Variants in CACNA1C observed in about 807,000 individuals in gnomAD.
The protein encoded by CACNA1C is calcium voltage-gated channel subunit alpha1 C.
A neutral mutation model predicts 229.0 loss-of-function variants in CACNA1C; 30 were observed. The observed-to-expected ratio is 0.13, with a 90% CI of 0.10 to 0.18. The LOEUF (loss-of-function observed/expected upper bound fraction) is 0.18. CACNA1C is among the 10% of genes least tolerant of loss of function. The pLI is 1.00. For synonymous variants in CACNA1C, 1,114 were observed against 1,132.5 expected (o/e 0.98, Z 0.33); for missense variants, 1,658 against 2,845.0 (o/e 0.58, Z 9.49).
chr12:2,201,609 C>T (rs748305980), intron 3 of CACNA1C, among the ~76,000 whole-genome samples: 7 of 152,218 alleles, frequency 4.6e-5, no homozygotes, highest in Admixed American at 3.3e-4. Flanking sequence ...TATTTATCCT[C>T]GCTATAAATG....
intron 1 of CACNA1C, among the ~76,000 whole-genome samples, chr12:1,990,722 A>G (rs902831607): frequency 3.3e-5 from 5 of 152,222 alleles, no homozygotes; most frequent in Admixed American, 1.3e-4. Flanking sequence ...TCTTACAAAA[A>G]CAATCCTGAG....
At chr12:2,097,371 C>G (rs540502930) in intron 1 of CACNA1C, among the ~76,000 whole-genome samples, 18 of 152,154 alleles carry the variant, frequency 1.2e-4, no homozygotes, top group Non-Finnish European at 2.5e-4. Flanking sequence ...TAGTCTCGAT[C>G]TCCTGACCTT....
rs1243912615 is a variant in CACNA1C at position 2,547,295 on chromosome 12, T to G, written c.1391-2648T>G. Among the ~76,000 whole-genome samples, 74 of 152,332 alleles carry G rather than the reference T, an allele frequency of 4.9e-4. 1 individual carries two copies. Among genetic ancestry groups the G allele is most frequent in the Admixed American group, 4.8e-3 (74 of 15,306 alleles). ...GTTATGTTTTCCTGTATGTTTTGAT[T>G]TATTGAATTTTTTTTGTTTATTTTC... On this transcript the variant is annotated intron_variant, in intron 9 of 46. Transcript: ENST00000399655.
intron 1 of CACNA1C, among the ~76,000 whole-genome samples, chr12:1,994,241 TG>T (rs557002665): frequency 9.1e-4 from 139 of 152,326 alleles, no homozygotes; most frequent in Middle Eastern, 3.4e-3. Context: ...ACTTACACAC[TG>T]AAGCTGAAGC....
intron 4 of CACNA1C, among the ~76,000 whole-genome samples, chr12:2,450,801 C>G (rs942698129): frequency 6.6e-6 from 1 of 152,040 alleles, no homozygotes; most frequent in African/African-American, 2.4e-5. Flanking sequence ...TCCCAGAGGC[C>G]TATTTTTGGA....
chr12:2,241,467 A>G (rs2070199701), intron 3 of CACNA1C, among the ~76,000 whole-genome samples: 1 of 151,886 alleles, frequency 6.6e-6, no homozygotes, highest in Non-Finnish European at 1.5e-5. Context: ...CGCGTGTGGG[A>G]TGGGATCAAT....
At chr12:2,211,698 G>A (rs2097919779) in intron 3 of CACNA1C, among the ~76,000 whole-genome samples, 1 of 142,584 alleles carries the variant, frequency 7.0e-6, no homozygotes. Context: ...TCTTTCACCT[G>A]TTACTCTTTC....
intron 3 of CACNA1C, among the ~76,000 whole-genome samples, chr12:2,373,528 T>C (rs1313292968): frequency 6.6e-6 from 1 of 151,964 alleles, no homozygotes; most frequent in Non-Finnish European, 1.5e-5. Context: ...CCAGGCAGCA[T>C]GCAGAGGCCA....
At chr12:2,085,693 T>C (rs938329283) in intron 1 of CACNA1C, among the ~76,000 whole-genome samples, 15 of 152,210 alleles carry the variant, frequency 9.9e-5, no homozygotes, top group African/African-American at 3.1e-4. Flanking sequence ...TCTGTACTCC[T>C]GGCCTGACTC....
At chr12:2,239,075 G>A (rs2154371452) in intron 3 of CACNA1C, among the ~76,000 whole-genome samples, 1 of 152,290 alleles carries the variant, frequency 6.6e-6, no homozygotes, top group African/African-American at 2.4e-5. Flanking sequence ...GGTAGCTCGT[G>A]AAATTTTAGC....
Position 2,285,165 on chromosome 12 carries a change from C to T in CACNA1C, c.478-163811C>T, listed in dbSNP as rs1249674237. 6.6e-6 allele frequency among the ~76,000 whole-genome samples: 1 copy of T among 152,198 alleles called. No homozygotes were observed. The highest frequency in any genetic ancestry group is 1.5e-5 in the Non-Finnish European group (1 of 68,040). On this transcript the variant is annotated intron_variant, in intron 3 of 46. Transcript: ENST00000399655. The surrounding 1 kb of genome is among the most constrained non-coding windows in gnomAD (Gnocchi z 4.2). ...ACACTCTGTTTCTCTCCATTCCATC[C>T]CTGCGTGTTACCTAGCAGGAATTTC... is the stretch of plus-strand genomic sequence containing the variant.
chr12:2,002,134 T>A (rs1310381339), intron 1 of CACNA1C, among the ~76,000 whole-genome samples: 1 of 152,220 alleles, frequency 6.6e-6, no homozygotes, highest in Non-Finnish European at 1.5e-5. Flanking sequence ...CCTTCCTAAT[T>A]TCTCCTCCTT....
intron 3 of CACNA1C, among the ~76,000 whole-genome samples, chr12:2,155,198 G>A (rs1464624877): frequency 5.3e-5 from 8 of 152,168 alleles, no homozygotes; most frequent in African/African-American, 1.9e-4. Context: ...CGTGGAGCGT[G>A]AAGACACATT....
chr12:2,021,260 C>A (rs1162832103), intron 1 of CACNA1C, among the ~76,000 whole-genome samples: 1 of 152,164 alleles, frequency 6.6e-6, no homozygotes, highest in Non-Finnish European at 1.5e-5. Flanking sequence ...ATAACTTGCT[C>A]AGGGTCACCT....
intron 3 of CACNA1C, among the ~76,000 whole-genome samples, chr12:2,412,495 A>G (rs1309630138): frequency 2.0e-5 from 3 of 152,198 alleles, no homozygotes; most frequent in African/African-American, 7.2e-5. Context: ...GCAGTGAGAC[A>G]GGCGCCCCCG....
chr12:2,227,734 C>T (rs187061552), intron 3 of CACNA1C, among the ~76,000 whole-genome samples: 2 of 152,290 alleles, frequency 1.3e-5, no homozygotes, highest in East Asian at 3.9e-4. Context: ...TTCTACTGAT[C>T]CTAAGACATG....
chr12:2,309,881 T>A (rs1478514705), intron 3 of CACNA1C, among the ~76,000 whole-genome samples: 1 of 152,188 alleles, frequency 6.6e-6, no homozygotes, highest in African/African-American at 2.4e-5. Context: ...AGGAGACAGC[T>A]GGATCCTAGT....
chr12:2,422,016 G>C (rs2098984281), intron 3 of CACNA1C, among the ~76,000 whole-genome samples: 1 of 152,072 alleles, frequency 6.6e-6, no homozygotes. Context: ...CTCCACTCAG[G>C]GAAATCTACT....
rs779258752 is a variant in CACNA1C at position 2,585,533 on chromosome 12, G to C, written c.2460+37G>C. The C allele has an allele frequency of 6.6e-6, 10 of 1,518,354 alleles. No individual in the cohort carries two copies. In the Admixed American group the frequency reaches 1.3e-4, roughly 19 times the overall value. 94.1% of individuals were successfully genotyped at this position (1,518,354 alleles called of 1,614,324 possible). A position where few individuals can be genotyped will look rare whatever the true frequency, so the allele number is the denominator to read the frequency against. ...TCTCCTTCCTGGAGCTGTGAGGCCG[G>C]TGCTGGGGAGGGAGGGCCACAGCCT... On this transcript the variant is annotated intron_variant, in intron 17 of 46. Coordinates refer to ENST00000399655, the MANE Select transcript of CACNA1C (RefSeq NM_000719.7). The surrounding 1 kb of genome is among the most constrained non-coding windows in gnomAD (Gnocchi z 4.1).
Sources: allele counts gnomAD v4.1 joint callset (sites outside exome capture counted in the v4.1 genomes callset), GRCh38; gene constraint gnomAD v4.1.1; non-coding constraint Gnocchi (gnomAD v3.1); transcripts MANE v1.5; gene names NCBI Gene and HGNC (gene_info 2026-07-23, HGNC 2026-07-21).